The following IFT80 variants were observed in gnomAD, a reference collection of about 807,000 sequenced individuals.
IFT80 encodes the protein intraflagellar transport 80.
In IFT80, 79 loss-of-function variants were observed where a neutral mutation model predicts 107.9. That is an observed-to-expected ratio of 0.73 (90% CI 0.61 to 0.88). The LOEUF (loss-of-function observed/expected upper bound fraction) is 0.88, where lower values mean the gene tolerates loss of function less well. Ranked by LOEUF, IFT80 falls within the 40% of genes least tolerant of loss-of-function variation. The pLI, the probability that IFT80 is intolerant of heterozygous loss-of-function variation, is 0.00. For synonymous variants in IFT80, 299 were observed against 300.9 expected, an observed-to-expected ratio of 0.99 and a Z score of 0.07; for missense variants, 797 against 914.2, an observed-to-expected ratio of 0.87 and a Z score of 1.65.
chr3:160,366,380 A>G (rs924231513), intron 5 of IFT80, among the ~76,000 whole-genome samples: 5 of 152,066 alleles, frequency 3.3e-5, no homozygotes, highest in Non-Finnish European at 7.4e-5. Context: ...CTATATTTTT[A>G]ACTAATTAGG....
intron 12 of IFT80, among the ~76,000 whole-genome samples, chr3:160,291,021 G>A (rs545767454): frequency 6.6e-6 from 1 of 152,276 alleles, no homozygotes; most frequent in South Asian, 2.1e-4. Context: ...TGCAAAATGG[G>A]AATCAATAAG....
At chr3:160,355,188 G>A (rs1311200619) in intron 8 of IFT80, among the ~76,000 whole-genome samples, 1 of 152,162 alleles carries the variant, frequency 6.6e-6, no homozygotes, top group Non-Finnish European at 1.5e-5. Context: ...ATTCTCTTGT[G>A]AGGAAAAATT....
chr3:160,258,031 T>C lies in IFT80; in HGVS notation c.*494A>G, dbSNP rs1399574208. The C allele has an allele frequency of 1.2e-5, 2 of 172,318 alleles. No individual in the cohort carries two copies. Among genetic ancestry groups the C allele is most frequent in the Non-Finnish European group, 2.5e-5 (2 of 80,508 alleles). The allele number at this position is 172,318 out of a possible 1,614,324, so 10.7% of individuals were successfully genotyped here. A position where few individuals can be genotyped will look rare whatever the true frequency, so the allele number is the denominator to read the frequency against. On this transcript the variant is annotated 3_prime_UTR_variant, in exon 20 of 20. Coordinates refer to ENST00000326448, the MANE Select transcript of IFT80 (RefSeq NM_020800.3). ...CTTGAGCTGTTTCCATCTTTTGCTA[T>C]TCCAGTAATGCTGCTATGAACTTGG... is the stretch of plus-strand genomic sequence containing the variant.
Position 160,277,489 on chromosome 3 carries a change from A to G in IFT80, c.1927-11T>C. On this transcript the variant is annotated splice_polypyrimidine_tract_variant and intron_variant, in intron 17 of 19. Transcript: ENST00000326448. ...CTGAACCTTATCAATCTAAAAAAGAAAAGAAAAATATTGAAGTAGATAGTA... is the reference window on the plus strand; with the variant it reads ...CTGAACCTTATCAATCTAAAAAAGAGAAGAAAAATATTGAAGTAGATAGTA... 6.3e-7 allele frequency: 1 copy of G among 1,595,226 alleles called. No homozygotes were observed. Among genetic ancestry groups the G allele is most frequent in the East Asian group, 2.2e-5 (1 of 44,676 alleles).
chr3:160,292,948 G>C (rs1715685788), intron 12 of IFT80, among the ~76,000 whole-genome samples: 1 of 152,140 alleles, frequency 6.6e-6, no homozygotes, highest in African/African-American at 2.4e-5. Context: ...AAATTCCTAA[G>C]GACCTGATAG....
intron 1 of IFT80, among the ~76,000 whole-genome samples, chr3:160,392,509 T>A (rs555307796): frequency 1.3e-5 from 2 of 152,338 alleles, no homozygotes; most frequent in East Asian, 3.9e-4. Context: ...TTCTTACCCA[T>A]CTTGGTAAAT....
In IFT80 at chr3:160,310,296, T is replaced by C. The variant is rs765048476; in HGVS notation, c.958-2515A>G. ...GCCAACTGGCCAAAGATGAGACAATTTGAGCATTAAAGAGAATAACCACGA... is the reference window on the plus strand; with the variant it reads ...GCCAACTGGCCAAAGATGAGACAATCTGAGCATTAAAGAGAATAACCACGA... On this transcript the variant is annotated intron_variant, in intron 9 of 19. Transcript: ENST00000326448. Among the ~76,000 whole-genome samples the C allele has an allele frequency of 5.1e-4, 77 of 152,278 alleles. 1 individual carries two copies. Among genetic ancestry groups the C allele is most frequent in the African/African-American group, 1.2e-3 (48 of 41,546 alleles).
At chr3:160,294,576 C>T (rs943509535) in intron 12 of IFT80, among the ~76,000 whole-genome samples, 10 of 152,216 alleles carry the variant, frequency 6.6e-5, no homozygotes, top group South Asian at 2.1e-4. Flanking sequence ...AATTACAGTA[C>T]ATTCAGTTGG....
chr3:160,275,848 A>C (rs1021485360), intron 18 of IFT80, among the ~76,000 whole-genome samples: 8 of 152,176 alleles, frequency 5.3e-5, no homozygotes, highest in Non-Finnish European at 8.8e-5. Flanking sequence ...ACACTGTCTA[A>C]ACTAGTTACC....
chr3:160,265,429 T>G (rs1232458772), intron 19 of IFT80, among the ~76,000 whole-genome samples: 1 of 152,226 alleles, frequency 6.6e-6, no homozygotes, highest in Non-Finnish European at 1.5e-5. Context: ...TCACTCTTTT[T>G]CTTTTTCCTA....
intron 6 of IFT80, among the ~76,000 whole-genome samples, chr3:160,363,158 A>T (rs1471593948): frequency 6.6e-6 from 1 of 152,202 alleles, no homozygotes; most frequent in Non-Finnish European, 1.5e-5. Flanking sequence ...CTGATAACCA[A>T]CTTCAGCAAA....
rs2108360069 is a variant in IFT80, at chr3:160,356,008, C to T, written c.777+5G>A. On this transcript the variant is annotated splice_donor_5th_base_variant and intron_variant, in intron 8 of 19. Coordinates refer to ENST00000326448, the MANE Select transcript of IFT80 (RefSeq NM_020800.3). ...CATCTGTGATTGCTCACCACTATAA[C>T]TTACCCCAGTTTTATCACACAAGCG... 6.2e-7 allele frequency: 1 copy of T among 1,613,914 alleles called. No homozygotes were observed. The highest frequency in any genetic ancestry group is 8.5e-7 in the Non-Finnish European group (1 of 1,179,850).
In IFT80 at chr3:160,298,412, CAG is replaced by C. The variant is rs144389028; in HGVS notation, c.1315+2469_1315+2470del. Among the ~76,000 whole-genome samples, 1,131 of 152,134 alleles carry C rather than the reference CAG, an allele frequency of 7.4e-3. 12 individuals are homozygous for C. The highest frequency in any genetic ancestry group is 0.024 in the African/African-American group (991 of 41,518). ...TTTTAAGTTTATATTTACAGCAAAACAGAGTTACATAATTATCTTGTTTAACA... is the reference window on the plus strand; with the variant it reads ...TTTTAAGTTTATATTTACAGCAAAACAGTTACATAATTATCTTGTTTAACA... On this transcript the variant is annotated intron_variant, in intron 12 of 19. Transcript: ENST00000326448.
intron 8 of IFT80, among the ~76,000 whole-genome samples, chr3:160,332,208 T>C (rs1414188571): frequency 1.3e-5 from 2 of 152,192 alleles, no homozygotes; most frequent in Non-Finnish European, 2.9e-5. Flanking sequence ...TTAGGTTTTG[T>C]GTGGCACAGT....
intron 8 of IFT80, among the ~76,000 whole-genome samples, chr3:160,321,248 C>T (rs948127522): frequency 6.6e-5 from 10 of 151,626 alleles, no homozygotes; most frequent in Non-Finnish European, 8.8e-5. Flanking sequence ...CTGCTTTGGG[C>T]GATAAAATGA....
intron 8 of IFT80, among the ~76,000 whole-genome samples, chr3:160,322,003 G>GTTAT (rs145027648): frequency 0.07 from 10,189 of 146,338 alleles, 442 homozygotes; most frequent in African/African-American, 0.1. Flanking sequence ...TTGTCAGCTT[G>GTTAT]TTATTTATTT....
Position 160,388,658 on chromosome 3 carries a change from G to C in IFT80, c.-46-4012C>G, listed in dbSNP as rs536240666. 7.3e-5 allele frequency among the ~76,000 whole-genome samples: 11 copies of C among 150,244 alleles called. No individual in the cohort carries two copies. The South Asian group carries it at 1.7e-3, about 23-fold the overall frequency. On this transcript the variant is annotated intron_variant, in intron 1 of 19. Transcript: ENST00000326448. ...TACATTCTATATAAATATATATAGAGAGAAAACGTTAGGTAGCTAAAAAGA... is the reference window on the plus strand; with the variant it reads ...TACATTCTATATAAATATATATAGACAGAAAACGTTAGGTAGCTAAAAAGA...
rs549017466 is a variant in IFT80, at chr3:160,301,908, T to C, written c.1152-862A>G. ...TTCCTGATAAACATGTTTCAAATTATTCACTGTTTTAAAGAATGTCTACAG... is the reference window on the plus strand; with the variant it reads ...TTCCTGATAAACATGTTTCAAATTACTCACTGTTTTAAAGAATGTCTACAG... On this transcript the variant is annotated intron_variant, in intron 11 of 19. Transcript: ENST00000326448. 2.0e-5 allele frequency among the ~76,000 whole-genome samples: 3 copies of C among 152,138 alleles called. No individual in the cohort carries two copies. The East Asian group carries it at 5.8e-4, about 29-fold the overall frequency.
chr3:160,345,229 T>G (rs1010787961), intron 8 of IFT80, among the ~76,000 whole-genome samples: 2 of 152,176 alleles, frequency 1.3e-5, no homozygotes, highest in African/African-American at 4.8e-5. Flanking sequence ...GTGGTACATA[T>G]ACACAATGGA....
Sources: gnomAD v4.1 joint callset for allele counts (sites outside exome capture counted in the v4.1 genomes callset) on GRCh38, gnomAD v4.1.1 for gene constraint, MANE v1.5 for transcripts, NCBI Gene and HGNC (gene_info 2026-07-23, HGNC 2026-07-21) for gene names.